The following UBA3 variants were observed in gnomAD, a reference collection of about 807,000 sequenced individuals.
UBA3 encodes ubiquitin like modifier activating enzyme 3.
In UBA3, 26 loss-of-function variants were observed where a neutral mutation model predicts 73.5. The ratio of observed to expected loss-of-function variants is 0.35; its 90% CI spans 0.26 to 0.49. UBA3 has a LOEUF of 0.49. UBA3 is among the 20% of genes least tolerant of loss of function. UBA3 has a pLI of 0.98. For missense variants in UBA3, 495 were observed against 555.6 expected (o/e 0.89, Z 1.10); for synonymous variants, 217 against 191.2 (o/e 1.13, Z -1.11).
At chr3:69,062,427 A>G (rs2092029583) in intron 9 of UBA3, among the ~76,000 whole-genome samples, 1 of 152,268 alleles carries the variant, frequency 6.6e-6, no homozygotes, top group African/African-American at 2.4e-5. Flanking sequence ...TTAGACTATG[A>G]GAAGAAAAAT....
chr3:69,057,924 CTTTTTTTT>C (rs368333207), intron 11 of UBA3, among the ~76,000 whole-genome samples: 2 of 115,476 alleles, frequency 1.7e-5, no homozygotes, highest in African/African-American at 3.3e-5. Context: ...CCACATTTTT[CTTTTTTTT>C]TTTTTTTTTT....
chr3:69,061,600 G>A (rs2092021646), intron 11 of UBA3: 1 of 430,864 alleles, frequency 2.3e-6, no homozygotes, highest in African/African-American at 2.0e-5. Flanking sequence ...AGATAAAATG[G>A]ACAGTTTGAC....
intron 5 of UBA3, among the ~76,000 whole-genome samples, chr3:69,069,654 G>A (rs1284346979): frequency 6.6e-6 from 1 of 152,000 alleles, no homozygotes; most frequent in Non-Finnish European, 1.5e-5. Flanking sequence ...ATAAAGCACT[G>A]TTCTTTTTTG....
intron 9 of UBA3, 125 bp from the exon 10 acceptor site, chr3:69,062,304 T>C: frequency 1.5e-6 from 1 of 666,886 alleles, no homozygotes; most frequent in Non-Finnish European, 2.7e-6. Context: ...TTGTATACCA[T>C]TAAAAATGCC....
intron 5 of UBA3, among the ~76,000 whole-genome samples, chr3:69,069,028 G>T (rs1415657530): frequency 6.6e-6 from 1 of 152,174 alleles, no homozygotes; most frequent in Non-Finnish European, 1.5e-5. Flanking sequence ...CCTCCTCTAA[G>T]TTCTATACAA....
intron 2 of UBA3, among the ~76,000 whole-genome samples, chr3:69,079,395 G>A (rs1405830692): frequency 2.6e-5 from 4 of 152,298 alleles, no homozygotes; most frequent in South Asian, 4.1e-4. Context: ...ACTGCTACTG[G>A]GAATCGGCAC....
intron 14 of UBA3, 114 bp downstream of exon 14, chr3:69,056,498 A>C: frequency 1.1e-6 from 1 of 945,452 alleles, no homozygotes; most frequent in South Asian, 1.7e-5. Flanking sequence ...GATATATAAT[A>C]AGTAGAGTTC....
At position 69,063,131 on chromosome 3, in the gene UBA3, G is replaced by A; in HGVS notation, c.544C>T (p.Leu182Phe). Residue 182 changes from leucine to phenylalanine, a missense_variant, in exon 9 of 18, where the codon CTT (leucine) becomes TTT (phenylalanine). Transcript: ENST00000361055. ...RRWINGMLIS[L>F]LNYEDGVLDP... Reference sequence around the variant, plus strand: ...AAGACACCATCTTCATAATTTAGAAGAGATATCTAGGAAAACAATTTGAAG... The same window carrying A: ...AAGACACCATCTTCATAATTTAGAAAAGATATCTAGGAAAACAATTTGAAG... The A allele has an allele frequency of 6.8e-6, 11 of 1,613,666 alleles. No homozygotes were observed. The highest frequency in any genetic ancestry group is 9.3e-6 in the Non-Finnish European group (11 of 1,179,856).
intron 4 of UBA3, among the ~76,000 whole-genome samples, chr3:69,074,516 T>G (rs2092148023): frequency 6.6e-6 from 1 of 152,248 alleles, no homozygotes; most frequent in Admixed American, 6.5e-5. Context: ...TTAGTGTTTC[T>G]TAACAAAATT....
Position 69,062,978 on chromosome 3 carries a change from T to C in UBA3, c.693+4A>G. On this transcript the variant is annotated splice_donor_region_variant and intron_variant, in intron 9 of 17. Transcript: ENST00000361055. ...AAAAGAAATGCAGGTGCTTTTTTGATTACCTGTGGTGGATAAAGTTCCAGC... is the reference window on the plus strand; with the variant it reads ...AAAAGAAATGCAGGTGCTTTTTTGACTACCTGTGGTGGATAAAGTTCCAGC... 6.2e-7 allele frequency: 1 copy of C among 1,613,074 alleles called. No homozygotes were observed. The highest frequency in any genetic ancestry group is 8.5e-7 in the Non-Finnish European group (1 of 1,179,548).
intron 4 of UBA3, among the ~76,000 whole-genome samples, chr3:69,072,881 C>T (rs1182427146): frequency 6.6e-6 from 1 of 152,160 alleles, no homozygotes; most frequent in Non-Finnish European, 1.5e-5. Flanking sequence ...GTTGTATCAT[C>T]CTCGATTCCT....
At chr3:69,069,121 C>T (rs1039698935) in intron 5 of UBA3, among the ~76,000 whole-genome samples, 2 of 151,988 alleles carry the variant, frequency 1.3e-5, no homozygotes, top group African/African-American at 4.8e-5. Flanking sequence ...TTACTTTTTT[C>T]GTAACATATT....
At chr3:69,078,237 T>C (rs1575850636) in intron 2 of UBA3, among the ~76,000 whole-genome samples, 1 of 152,200 alleles carries the variant, frequency 6.6e-6, no homozygotes, top group African/African-American at 2.4e-5. Context: ...TTGACTTCTC[T>C]ACATTTGGTA....
At chr3:69,057,191 A>C (rs1363291224) in intron 12 of UBA3, 65 bp downstream of exon 12, 7 of 1,510,066 alleles carry the variant, frequency 4.6e-6, no homozygotes, top group Non-Finnish European at 6.4e-6. Context: ...AACACAAAAA[A>C]GCTGCAGCAA....
chr3:69,073,972 G>T (rs1350639234), intron 4 of UBA3, among the ~76,000 whole-genome samples: 2 of 152,028 alleles, frequency 1.3e-5, no homozygotes. Context: ...GTTAGAATGA[G>T]CCTTTAGGGG....
At chr3:69,077,249 C>A (rs2092175857) in intron 3 of UBA3, 1 of 151,762 alleles carries the variant, frequency 6.6e-6, no homozygotes, top group Non-Finnish European at 1.5e-5. Flanking sequence ...AAAATACTAT[C>A]TTTTTATAAA....
chr3:69,080,074 GT>G, intron 2 of UBA3, 37 bp downstream of exon 2: 1 of 1,596,826 alleles, frequency 6.3e-7, no homozygotes, highest in Non-Finnish European at 8.5e-7. Flanking sequence ...GGAGGCGGGG[GT>G]CCCCGGAGAG....
intron 2 of UBA3, among the ~76,000 whole-genome samples, chr3:69,078,219 G>T (rs562150775): frequency 1.3e-5 from 2 of 152,148 alleles, no homozygotes; most frequent in African/African-American, 4.8e-5. Flanking sequence ...GGTCTATTAT[G>T]TGAGAAATTG....
chr3:69,057,842 G>C (rs1163610554), intron 11 of UBA3, among the ~76,000 whole-genome samples: 1 of 150,830 alleles, frequency 6.6e-6, no homozygotes, highest in Non-Finnish European at 1.5e-5. Flanking sequence ...AAAAAGAAAA[G>C]CTGCCCTTTA....
Sources: gnomAD v4.1 joint callset for allele counts (sites outside exome capture counted in the v4.1 genomes callset) on GRCh38, gnomAD v4.1.1 for gene constraint, MANE v1.5 for transcripts, NCBI Gene and HGNC (gene_info 2026-07-23, HGNC 2026-07-21) for gene names.